GRID2: variants seen among roughly 807,000 people sequenced by gnomAD.
GRID2 encodes the protein glutamate ionotropic receptor delta type subunit 2.
A neutral mutation model predicts 114.8 loss-of-function variants in GRID2; 33 were observed. The ratio of observed to expected loss-of-function variants is 0.29; its 90% confidence interval spans 0.22 to 0.38. GRID2 has a LOEUF of 0.38. GRID2 is among the 10% of genes least tolerant of loss of function. The pLI, the probability that GRID2 is intolerant of heterozygous loss-of-function variation, is 1.00. For missense variants in GRID2, 1,184 were observed against 1,257.7 expected (o/e 0.94, Z 0.89); for synonymous variants, 505 against 449.9 (o/e 1.12, Z -1.55).
chr4:93,100,819 C>G (rs1455825455), intron 3 of GRID2, among the ~76,000 whole-genome samples: 1 of 152,028 alleles, frequency 6.6e-6, no homozygotes, highest in Non-Finnish European at 1.5e-5. Context: ...AGTGACATAT[C>G]TCTTTTCCTA....
At chr4:92,648,827 A>C (rs1260801245) in intron 2 of GRID2, among the ~76,000 whole-genome samples, 1 of 148,144 alleles carries the variant, frequency 6.8e-6, no homozygotes, top group Non-Finnish European at 1.5e-5. Flanking sequence ...CATATTAATA[A>C]ATGATGATTC....
At chr4:93,517,454 G>T (rs367652765) in intron 13 of GRID2, among the ~76,000 whole-genome samples, 8 of 152,150 alleles carry the variant, frequency 5.3e-5, no homozygotes, top group East Asian at 1.9e-4. Context: ...GAGGGCTAGT[G>T]AAAATGCTCT....
chr4:93,808,887 C>T (rs1167566824), exon 2 of GRID2: 1 of 152,136 alleles, frequency 6.6e-6, no homozygotes, highest in African/African-American at 2.4e-5. Context: ...AGACACTGAC[C>T]CCATTAAACA....
chr4:93,123,844 G>A (rs1479232472), intron 4 of GRID2, among the ~76,000 whole-genome samples: 1 of 151,786 alleles, frequency 6.6e-6, no homozygotes, highest in Non-Finnish European at 1.5e-5. Context: ...AGCAAGTCTA[G>A]AATGTAAATG....
At chr4:93,790,820 C>A (rs1734680069) in intron 1 of GRID2, among the ~76,000 whole-genome samples, 1 of 152,148 alleles carries the variant, frequency 6.6e-6, no homozygotes, top group South Asian at 2.1e-4. Context: ...CATTTGTCAG[C>A]TGTGCTACCC....
intron 13 of GRID2, among the ~76,000 whole-genome samples, chr4:93,526,127 G>C (rs1560714939): frequency 6.6e-6 from 1 of 152,180 alleles, no homozygotes; most frequent in African/African-American, 2.4e-5. Context: ...TCAGGGTAGG[G>C]ACCAGATAGG....
At chr4:93,369,472 C>A (rs1484520132) in intron 8 of GRID2, among the ~76,000 whole-genome samples, 1 of 152,160 alleles carries the variant, frequency 6.6e-6, no homozygotes, top group African/African-American at 2.4e-5. Context: ...AAAGCATTTT[C>A]TAACAAGCAG....
intron 8 of GRID2, among the ~76,000 whole-genome samples, chr4:93,258,649 C>A (rs924955782): frequency 5.3e-5 from 8 of 151,716 alleles, no homozygotes; most frequent in African/African-American, 1.9e-4. Flanking sequence ...TGGTGCTTAT[C>A]TTGACCCAAA....
intron 8 of GRID2, among the ~76,000 whole-genome samples, chr4:93,320,302 A>T (rs990130697): frequency 4.6e-5 from 7 of 152,128 alleles, no homozygotes; most frequent in Non-Finnish European, 5.9e-5. Flanking sequence ...GCAAGATTGC[A>T]TTAGAGAGTC....
intron 7 of GRID2, among the ~76,000 whole-genome samples, chr4:93,233,361 G>A (rs1746377864): frequency 6.8e-6 from 1 of 147,324 alleles, no homozygotes; most frequent in Admixed American, 6.8e-5. Flanking sequence ...TTTATTTTTT[G>A]AGATGGAGTC....
chr4:92,499,421 G>T (rs536435564), intron 1 of GRID2, among the ~76,000 whole-genome samples: 1 of 152,068 alleles, frequency 6.6e-6, no homozygotes, highest in South Asian at 2.1e-4. Flanking sequence ...TTCTCTATTT[G>T]TTCCTAAGAT....
chr4:92,709,589 A>AAAAAATAT (rs779775767), intron 2 of GRID2, among the ~76,000 whole-genome samples: 22 of 114,630 alleles, frequency 1.9e-4, no homozygotes, highest in East Asian at 5.8e-4. Context: ...AAAAAAAAAA[A>AAAAAATAT]ATATATATAT....
chr4:92,455,859 G>T (rs1434773678), intron 1 of GRID2, among the ~76,000 whole-genome samples: 1 of 152,106 alleles, frequency 6.6e-6, no homozygotes, highest in Non-Finnish European at 1.5e-5. Context: ...TGATCTTATT[G>T]CTGCCTGCGA....
chr4:93,495,337 G>T (rs1356501768), intron 12 of GRID2, among the ~76,000 whole-genome samples: 1 of 151,672 alleles, frequency 6.6e-6, no homozygotes, highest in Non-Finnish European at 1.5e-5. Context: ...CATCACCTTG[G>T]TCTACATTTT....
chr4:93,137,734 G>T (rs1250081234), intron 4 of GRID2, among the ~76,000 whole-genome samples: 1 of 152,002 alleles, frequency 6.6e-6, no homozygotes, highest in Non-Finnish European at 1.5e-5. Flanking sequence ...TATCATGGGG[G>T]ATGTTTTAAT....
At chr4:93,262,354 A>G (rs2149551413) in intron 8 of GRID2, among the ~76,000 whole-genome samples, 1 of 152,042 alleles carries the variant, frequency 6.6e-6, no homozygotes, top group Non-Finnish European at 1.5e-5. Flanking sequence ...GTTTTGAAAT[A>G]ATTTTTTGAT....
At chr4:92,528,172 T>C (rs1725136523) in intron 1 of GRID2, among the ~76,000 whole-genome samples, 1 of 151,832 alleles carries the variant, frequency 6.6e-6, no homozygotes, top group Admixed American at 6.6e-5. Flanking sequence ...TGATTTCTTT[T>C]AAACAATAAA....
At chr4:93,308,480 T>C (rs1755673186) in intron 8 of GRID2, among the ~76,000 whole-genome samples, 1 of 152,166 alleles carries the variant, frequency 6.6e-6, no homozygotes, top group South Asian at 2.1e-4. Context: ...CTGATCCTTG[T>C]TACACAAATT....
In GRID2 at chr4:92,304,349, C is replaced by T. The variant is rs1725267015; in HGVS notation, c.-308C>T. 2.5e-6 allele frequency: 1 copy of T among 392,548 alleles called. No individual in the cohort carries two copies. Among genetic ancestry groups the T allele is most frequent in the South Asian group, 2.3e-5 (1 of 42,734 alleles). The allele number at this position is 392,548 out of a possible 1,614,324, so 24.3% of individuals were successfully genotyped here. On this transcript the variant is annotated 5_prime_UTR_variant, in exon 1 of 16. Transcript: ENST00000282020. The stretch of plus-strand genomic sequence containing the variant: ...GGGTCTGATCTGAGCCCCAGCCTCT[C>T]CCCCTGCCCAAGAGCAGTAGAGGCT...
Sources: gnomAD v4.1 joint callset for allele counts (sites outside exome capture counted in the v4.1 genomes callset) on GRCh38, gnomAD v4.1.1 for gene constraint, MANE v1.5 for transcripts, NCBI Gene and HGNC (gene_info 2026-07-23, HGNC 2026-07-21) for gene names.